Variants in R3HDM1 observed in about 807,000 individuals in gnomAD.
R3HDM1 encodes the protein R3H domain-containing protein 1.
A neutral mutation model predicts 141.1 loss-of-function variants in R3HDM1; 46 were observed. That is an observed-to-expected ratio of 0.33 (90% CI 0.26 to 0.42). The LOEUF is 0.42. R3HDM1 is among the 10% of genes least tolerant of loss of function. The pLI, the probability that R3HDM1 is intolerant of heterozygous loss-of-function variation, is 1.00. For missense variants in R3HDM1, 1,184 were observed against 1,368.3 expected (o/e 0.87, Z 2.12); for synonymous variants, 435 against 472.9 (o/e 0.92, Z 1.04).
chr2:135,583,034 T>C (rs972499064), intron 1 of R3HDM1, among the ~76,000 whole-genome samples: 1 of 152,208 alleles, frequency 6.6e-6, no homozygotes, highest in Non-Finnish European at 1.5e-5. Context: ...TCTCTCTCTG[T>C]GTGTGTCTCT....
At chr2:135,690,763 A>C (rs1262590982) in intron 21 of R3HDM1, among the ~76,000 whole-genome samples, 1 of 151,724 alleles carries the variant, frequency 6.6e-6, no homozygotes, top group Non-Finnish European at 1.5e-5. Context: ...TTTTGTGGGC[A>C]TGTGTTTATT....
intron 3 of R3HDM1, among the ~76,000 whole-genome samples, chr2:135,611,478 T>G (rs930051650): frequency 6.6e-6 from 1 of 152,200 alleles, no homozygotes; most frequent in African/African-American, 2.4e-5. Context: ...ATGTTATAAT[T>G]GTTACTATTA....
chr2:135,724,214 C>G lies in R3HDM1; in HGVS notation c.3327C>G (p.Asn1109Lys). The G allele has an allele frequency of 6.2e-7, 1 of 1,614,092 alleles. No individual in the cohort carries two copies. Among genetic ancestry groups the G allele is most frequent in the Non-Finnish European group, 8.5e-7 (1 of 1,179,994 alleles). The change falls in exon 27 of 27, where the codon AAC (asparagine) becomes AAG (lysine). Residue 1109 changes from asparagine (N) to lysine (K), a missense_variant. Physicochemically the swap from Asn to Lys is moderately conservative, Grantham distance 94. Transcript: ENST00000683871. ...AGAATGCACTGAAGAAACAAATTAA[C>G]TCAGTTAACAAGTTTAAGCTGAGAA... ...AAQNALKKQINSVNKFKLRTS... is the reference protein window; with the variant it reads ...AAQNALKKQIKSVNKFKLRTS...
intron 3 of R3HDM1, among the ~76,000 whole-genome samples, chr2:135,608,433 G>A (rs1052884857): frequency 2.0e-5 from 3 of 152,092 alleles, no homozygotes; most frequent in Admixed American, 1.3e-4. Context: ...GTGTACAGTT[G>A]AGATACCTTG....
At chr2:135,705,164 C>T (rs1415623242) in intron 21 of R3HDM1, among the ~76,000 whole-genome samples, 1 of 152,164 alleles carries the variant, frequency 6.6e-6, no homozygotes, top group African/African-American at 2.4e-5. Context: ...TGAAGTTGTA[C>T]ATTTTTATGT....
At chr2:135,651,289 G>A (rs1322433730) in intron 17 of R3HDM1, 1 of 984,826 alleles carries the variant, frequency 1.0e-6, no homozygotes, top group Non-Finnish European at 1.2e-6. Context: ...TTTGCATTTT[G>A]CCTTCTAGGA....
At chr2:135,662,228 TG>T (rs1481993289) in intron 19 of R3HDM1, among the ~76,000 whole-genome samples, 1 of 152,234 alleles carries the variant, frequency 6.6e-6, no homozygotes, top group Non-Finnish European at 1.5e-5. Flanking sequence ...TCCCTGACTA[TG>T]TGAGTGTGAC....
At chr2:135,629,911 G>A (rs896325467) in intron 7 of R3HDM1, among the ~76,000 whole-genome samples, 4 of 152,122 alleles carry the variant, frequency 2.6e-5, no homozygotes, top group African/African-American at 9.7e-5. Context: ...GGAAGATACA[G>A]GGAGACAATA....
chr2:135,705,628 C>T (rs2074799250), intron 21 of R3HDM1, among the ~76,000 whole-genome samples: 1 of 151,876 alleles, frequency 6.6e-6, no homozygotes. Context: ...AGAGTGAGAC[C>T]TTGTCTGTTT....
At chr2:135,579,931 C>T (rs1386542786) in intron 1 of R3HDM1, among the ~76,000 whole-genome samples, 13 of 152,042 alleles carry the variant, frequency 8.6e-5, no homozygotes, top group South Asian at 2.1e-4. Context: ...AACTTTTCTC[C>T]GAGTCTAAAA....
At chr2:135,573,037 G>A (rs551389361) in intron 1 of R3HDM1, among the ~76,000 whole-genome samples, 2 of 152,304 alleles carry the variant, frequency 1.3e-5, no homozygotes, top group African/African-American at 4.8e-5. Context: ...AAAGAGGGCA[G>A]TTGCTCTATG....
chr2:135,556,114 T>C (rs1700715511), intron 1 of R3HDM1, among the ~76,000 whole-genome samples: 1 of 152,106 alleles, frequency 6.6e-6, no homozygotes, highest in Non-Finnish European at 1.5e-5. Context: ...AGAAGACAGT[T>C]ACAAAGGACC....
At chr2:135,676,352 G>C (rs1364785525) in intron 20 of R3HDM1, among the ~76,000 whole-genome samples, 2 of 152,150 alleles carry the variant, frequency 1.3e-5, no homozygotes, top group East Asian at 3.8e-4. Context: ...TTAATTTATA[G>C]TTCTAAAGCA....
At chr2:135,650,595 A>C in intron 17 of R3HDM1, 1 of 979,714 alleles carries the variant, frequency 1.0e-6, no homozygotes, top group Non-Finnish European at 1.2e-6. Context: ...TACTTCTGTT[A>C]ACAATATTTG....
chr2:135,628,722 G>A (rs1044931020), intron 7 of R3HDM1, among the ~76,000 whole-genome samples: 2 of 152,100 alleles, frequency 1.3e-5, no homozygotes, highest in East Asian at 1.9e-4. Flanking sequence ...CGCCTCCCGG[G>A]TTCAAGCAAT....
intron 20 of R3HDM1, among the ~76,000 whole-genome samples, chr2:135,676,625 A>G (rs1233406927): frequency 6.6e-6 from 1 of 152,210 alleles, no homozygotes; most frequent in Non-Finnish European, 1.5e-5. Flanking sequence ...ATCCTGGCCA[A>G]CATAGTGAAA....
At chr2:135,696,292 G>GCAGACAGAT in intron 21 of R3HDM1, among the ~76,000 whole-genome samples, 1 of 152,314 alleles carries the variant, frequency 6.6e-6, no homozygotes, top group South Asian at 2.1e-4. Flanking sequence ...TCTGTTGACA[G>GCAGACAGAT]CAGACAGATC....
chr2:135,675,376 G>C lies in R3HDM1; in HGVS notation c.2197G>C (p.Val733Leu). 6.2e-7 allele frequency: 1 copy of C among 1,613,940 alleles called. No homozygotes were observed. Among genetic ancestry groups the C allele is most frequent in the Non-Finnish European group, 8.5e-7 (1 of 1,179,882 alleles). ...CCAGCAGCAAAACTACCAAGGAATAGTTGGAGTTCAGCAACCCCAGAGTCA... is the reference window on the plus strand; with the variant it reads ...CCAGCAGCAAAACTACCAAGGAATACTTGGAGTTCAGCAACCCCAGAGTCA... ...PNQQQNYQGI[V>L]GVQQPQSQSL... Residue 733 changes from valine (V) to leucine (L), a missense_variant, in exon 20 of 27, where the codon GTT becomes CTT. Val to Leu is a conservative substitution (Grantham distance 32, BLOSUM62 1). Coordinates refer to ENST00000683871, the MANE Select transcript of R3HDM1 (RefSeq NM_001378107.1).
At chr2:135,627,347 G>A (rs536624590) in intron 7 of R3HDM1, among the ~76,000 whole-genome samples, 19 of 152,078 alleles carry the variant, frequency 1.2e-4, no homozygotes, top group African/African-American at 4.3e-4. Context: ...TTAATTTCAA[G>A]ATTTTTGTTC....
Sources: gnomAD v4.1 joint callset for allele counts (sites outside exome capture counted in the v4.1 genomes callset) on GRCh38, gnomAD v4.1.1 for gene constraint, MANE v1.5 for transcripts, NCBI Gene and HGNC (gene_info 2026-07-23, HGNC 2026-07-21) for gene names.